The following UNC45A variants were observed in gnomAD, a reference collection of about 807,000 sequenced individuals.
UNC45A encodes unc-45 myosin chaperone A.
Under a neutral mutation model 103.2 loss-of-function variants are expected in UNC45A, and 78 were observed. That is an observed-to-expected ratio of 0.76 (90% CI 0.63 to 0.91). UNC45A has a LOEUF of 0.91. UNC45A is among the 40% of genes least tolerant of loss of function. UNC45A has a pLI of 0.00. For missense variants in UNC45A, 1,193 were observed against 1,224.8 expected, an observed-to-expected ratio of 0.97 and a Z score of 0.39; for synonymous variants, 495 against 504.6, an observed-to-expected ratio of 0.98 and a Z score of 0.25.
chr15:90,951,248 G>A (rs752118982), intron 17 of UNC45A, among the ~76,000 whole-genome samples: 3 of 152,246 alleles, frequency 2.0e-5, no homozygotes, highest in Middle Eastern at 3.4e-3. Context: ...CTCGTGATCC[G>A]CCCACCTCAG....
chr15:90,946,723 G>T lies in UNC45A; in HGVS notation c.1309G>T (p.Gly437Cys), dbSNP rs146513919. 738 of 1,613,496 alleles carry T rather than the reference G, an allele frequency of 4.6e-4. 2 individuals are homozygous for T. The highest frequency in any genetic ancestry group is 4.8e-4 in the Non-Finnish European group (572 of 1,180,048). ...TGGCAACCGGGCCTTGGAGCTGAGC[G>T]GTGTCATGGAGAGTGTGATTGCTCT... Reference protein sequence around the residue: ...DAGNRALELSGVMESVIALCA... With the variant: ...DAGNRALELSCVMESVIALCA... Residue 437 changes from glycine (G) to cysteine (C), a missense_variant, in exon 10 of 20, where the codon GGT becomes TGT. Transcript: ENST00000418476.
upstream of UNC45A, chr15:90,932,466 C>A: frequency 7.6e-7 from 1 of 1,323,308 alleles, no homozygotes; most frequent in Admixed American, 3.6e-5. Context: ...CCTCGGGGTC[C>A]TTCCGCCGCT....
At chr15:90,948,404 G>C in intron 12 of UNC45A, 121 bp downstream of exon 12, 2 of 1,459,236 alleles carry the variant, frequency 1.4e-6, no homozygotes, top group Non-Finnish European at 1.9e-6. Flanking sequence ...GCTGGTGGCT[G>C]AGTGGCTGCT....
Position 90,935,988 on chromosome 15 carries a change from G to A in UNC45A, c.250+6G>A. 6.2e-7 allele frequency: 1 copy of A among 1,614,028 alleles called. No individual in the cohort carries two copies. The highest frequency in any genetic ancestry group is 8.5e-7 in the Non-Finnish European group (1 of 1,180,006). On this transcript the variant is annotated splice_donor_region_variant and intron_variant, in intron 3 of 19. Transcript: ENST00000418476. ...AGAAACAGAGGCATCCAAAGGTAGG[G>A]GAATGGTGGGCCCTGGTGTGGAGCT...
In UNC45A at chr15:90,946,822, C is replaced by G. The variant is rs568697691; in HGVS notation, c.1408C>G (p.Arg470Gly). ...GATCCATGCAGCCGGCAAGGCTAAG[C>G]GGGCCTCATTCATCACTGCCAATGG... ...ALIHAAGKAKRASFITANGVS... is the reference protein window; with the variant it reads ...ALIHAAGKAKGASFITANGVS... Residue 470 changes from arginine (R) to glycine (G), a missense_variant, in exon 10 of 20, where the codon CGG becomes GGG. Physicochemically the swap from Arg to Gly is moderately radical, Grantham distance 125. Transcript: ENST00000418476. The G allele has an allele frequency of 6.2e-7, 1 of 1,612,934 alleles. No individual in the cohort carries two copies. Among genetic ancestry groups the G allele is most frequent in the South Asian group, 1.1e-5 (1 of 91,046 alleles).
chr15:90,954,033 C>T lies in UNC45A; in HGVS notation c.*317C>T, dbSNP rs749139318. The T allele has an allele frequency of 2.0e-5, 8 of 391,514 alleles. No homozygotes were observed. The highest frequency in any genetic ancestry group is 2.9e-5 in the Non-Finnish European group (6 of 207,782). 24.3% of individuals were successfully genotyped at this position (391,514 alleles called of 1,614,324 possible). A position where few individuals can be genotyped will look rare whatever the true frequency, so the allele number is the denominator to read the frequency against. ...TCTGGAAGGGCGCACACATCAGCAG[C>T]CTCACCAGCTGTGAGCCTGCTATCA... On this transcript the variant is annotated 3_prime_UTR_variant, in exon 20 of 20. Transcript: ENST00000418476.
intron 9 of UNC45A, among the ~76,000 whole-genome samples, chr15:90,945,428 C>G (rs113807827): frequency 0.017 from 2,632 of 151,266 alleles, 72 homozygotes; most frequent in African/African-American, 0.061. Context: ...ATGGCATGAT[C>G]TCAGGTCACC....
At chr15:90,943,123 A>C in intron 8 of UNC45A, 41 bp downstream of exon 8, 1 of 1,568,674 alleles carries the variant, frequency 6.4e-7, no homozygotes, top group Non-Finnish European at 8.7e-7. Flanking sequence ...CAGCAGCTGA[A>C]GTTTGTTTAT....
upstream of UNC45A, chr15:90,935,144 C>T (rs565392993): frequency 9.8e-5 from 62 of 635,488 alleles, no homozygotes; most frequent in Admixed American, 2.0e-4. Flanking sequence ...CTTGCCTGCA[C>T]CTGCGATCCA....
In UNC45A at chr15:90,939,817, G is replaced by A; in HGVS notation, c.513G>A (p.Lys171=). 1 of 1,614,066 alleles carries A rather than the reference G, an allele frequency of 6.2e-7. No homozygotes were observed. ...CAGAAGAGAAGGGCACTGAGAAAAA[G>A]CAAAAGGTATAGGCCCTGGGCTGAG... is the stretch of plus-strand genomic sequence containing the variant. The part of the protein sequence containing the change: ...LDPEEKGTEK[K]QKASQNLVVL... The change falls in exon 5 of 20, where the codon AAG becomes AAA. Residue 171 remains lysine (K), a synonymous_variant. Coordinates refer to ENST00000418476, the MANE Select transcript of UNC45A (RefSeq NM_018671.5).
chr15:90,947,953 T>C, intron 11 of UNC45A, 63 bp downstream of exon 11: 1 of 1,483,128 alleles, frequency 6.7e-7, no homozygotes, highest in Non-Finnish European at 9.1e-7. Context: ...CACAGGGGTC[T>C]GGGTGGGGGT....
rs1164938448 is a variant in UNC45A at position 90,947,731 on chromosome 15, G to C, written c.1501-65G>C. ...GTGCCAGGGAGGGAGTCCAAGCCAGGTGTGGAGGAGCTCAGCTCCTGCCTC... is the reference window on the plus strand; with the variant it reads ...GTGCCAGGGAGGGAGTCCAAGCCAGCTGTGGAGGAGCTCAGCTCCTGCCTC... On this transcript the variant is annotated intron_variant, in intron 10 of 19. Transcript: ENST00000418476. The C allele has an allele frequency of 1.5e-5, 18 of 1,231,684 alleles. No homozygotes were observed. The Admixed American group carries it at 3.1e-4, about 21-fold the overall frequency. 76.3% of individuals were successfully genotyped at this position (1,231,684 alleles called of 1,614,324 possible).
chr15:90,946,765 G>A lies in UNC45A; in HGVS notation c.1351G>A (p.Glu451Lys). The A allele has an allele frequency of 6.2e-7, 1 of 1,614,176 alleles. No individual in the cohort carries two copies. The highest frequency in any genetic ancestry group is 8.5e-7 in the Non-Finnish European group (1 of 1,180,026). Residue 451 changes from glutamate (E) to lysine (K), a missense_variant, in exon 10 of 20, where the codon GAG becomes AAG. By Grantham distance (56) the Glu-to-Lys change is moderately conservative (BLOSUM62 1). Transcript: ENST00000418476. The part of the protein sequence containing the change: ...SVIALCASEQ[E>K]EEQLVAVEAL... ...GATTGCTCTGTGTGCCTCTGAGCAG[G>A]AGGAGGAGCAGCTGGTGGCCGTGGA... is the stretch of plus-strand genomic sequence containing the variant.
chr15:90,950,095 C>A (rs1026664206), intron 15 of UNC45A, 59 bp from the exon 16 acceptor site: 14 of 1,507,364 alleles, frequency 9.3e-6, no homozygotes, highest in Non-Finnish European at 1.3e-5. Context: ...CTGGGGAGCC[C>A]GATGGTCGGG....
At position 90,942,385 on chromosome 15, in the gene UNC45A, G is replaced by A. The variant is rs1257458034; in HGVS notation, c.688-52G>A. ...CTAACTCACAGTTAGGGATCTCTGTGGCTGCCCTTCAACAACTGGAAGCTT... is the reference window on the plus strand; with the variant it reads ...CTAACTCACAGTTAGGGATCTCTGTAGCTGCCCTTCAACAACTGGAAGCTT... On this transcript the variant is annotated intron_variant, in intron 6 of 19. Coordinates refer to ENST00000418476, the MANE Select transcript of UNC45A (RefSeq NM_018671.5). 4 of 1,553,098 alleles carry A rather than the reference G, an allele frequency of 2.6e-6. No homozygotes were observed. In the African/African-American group the frequency reaches 5.5e-5, roughly 21 times the overall value.
At position 90,953,761 on chromosome 15, in the gene UNC45A, G is replaced by A. The variant is rs2037068922; in HGVS notation, c.*45G>A. Reference sequence around the variant, plus strand: ...AAGGCTCATGCACACGCTACCTATTGTGGCACGGAGAGTAAGGACGGAAGC... The same window carrying A: ...AAGGCTCATGCACACGCTACCTATTATGGCACGGAGAGTAAGGACGGAAGC... On this transcript the variant is annotated 3_prime_UTR_variant, in exon 20 of 20. Transcript: ENST00000418476. 1.3e-6 allele frequency: 2 copies of A among 1,591,584 alleles called. No homozygotes were observed. Among genetic ancestry groups the A allele is most frequent in the African/African-American group, 2.7e-5 (2 of 74,504 alleles).
chr15:90,953,532 TGG>T lies in UNC45A; in HGVS notation c.2652_2653del (p.Val885GlyfsTer19). On this transcript the variant is annotated frameshift_variant, in exon 20 of 20. Coordinates refer to ENST00000418476, the MANE Select transcript of UNC45A (RefSeq NM_018671.5). LOFTEE classifies it high-confidence loss of function. ...CAGGAGCTGCAGCACCGGGGTGCTGTGGTGGTGCTGAACATGGTGGAGGCCTC... is the reference window on the plus strand; with the variant it reads ...CAGGAGCTGCAGCACCGGGGTGCTGTTGGTGCTGAACATGGTGGAGGCCTC... The T allele has an allele frequency of 6.2e-7, 1 of 1,614,076 alleles. No individual in the cohort carries two copies. The highest frequency in any genetic ancestry group is 1.3e-5 in the African/African-American group (1 of 75,028).
Position 90,950,581 on chromosome 15 carries a change from C to T in UNC45A, c.2269C>T (p.Leu757=). The T allele has an allele frequency of 6.2e-7, 1 of 1,614,198 alleles. No homozygotes were observed. ...GCAGAACTTCGAGGCGCTCATGGCC[C>T]TAACAAACCTGGCTGGGATCAGCGA... ...GLQNFEALMA[L]TNLAGISERL... is the part of the protein sequence containing the mutation. The change falls in exon 17 of 20, where the codon CTA becomes TTA. Residue 757 remains leucine (L), a synonymous_variant. Coordinates refer to ENST00000418476, the MANE Select transcript of UNC45A (RefSeq NM_018671.5).
chr15:90,931,761 C>A, upstream of UNC45A: 1 of 1,614,152 alleles, frequency 6.2e-7, no homozygotes, highest in Non-Finnish European at 8.5e-7. Flanking sequence ...GCCAGCTTCA[C>A]CAGTTTGGCC....
Sources: gnomAD v4.1 joint callset for allele counts (sites outside exome capture counted in the v4.1 genomes callset) on GRCh38, gnomAD v4.1.1 for gene constraint, MANE v1.5 for transcripts, NCBI Gene and HGNC (gene_info 2026-07-23, HGNC 2026-07-21) for gene names.